The following XPR1 variants were observed in gnomAD, a reference collection of about 807,000 sequenced individuals.
XPR1 encodes xenotropic and polytropic retrovirus receptor 1, also known as solute carrier family 53 member 1.
In XPR1, 28 loss-of-function variants were observed where a neutral mutation model predicts 87.5. That is an observed-to-expected ratio of 0.32 (90% CI 0.24 to 0.44). The LOEUF (loss-of-function observed/expected upper bound fraction) is 0.44, where lower values mean the gene tolerates loss of function less well. Ranked by LOEUF, XPR1 falls within the 20% of genes least tolerant of loss-of-function variation. XPR1 has a pLI of 1.00. For missense variants in XPR1, 559 were observed against 862.3 expected, an observed-to-expected ratio of 0.65 and a Z score of 4.41; for synonymous variants, 300 against 306.1, an observed-to-expected ratio of 0.98 and a Z score of 0.21.
At chr1:180,789,237 C>G (rs1487729533) in intron 3 of XPR1, among the ~76,000 whole-genome samples, 1 of 152,178 alleles carries the variant, frequency 6.6e-6, no homozygotes, top group African/African-American at 2.4e-5. Flanking sequence ...CTCTTGGTTG[C>G]TCACTGTGAA....
At position 180,881,632 on chromosome 1, in the gene XPR1, C is replaced by G. The variant is rs72707425; in HGVS notation, c.2030+1335C>G. On this transcript the variant is annotated intron_variant, in intron 14 of 14. Coordinates refer to ENST00000367590, the MANE Select transcript of XPR1 (RefSeq NM_004736.4). Reference sequence around the variant, plus strand: ...TGTATGGGGCAGTGAAAATTCAGATCAGGATGCTTACTGTTGGACCAGAAG... The same window carrying G: ...TGTATGGGGCAGTGAAAATTCAGATGAGGATGCTTACTGTTGGACCAGAAG... Among the ~76,000 whole-genome samples the G allele has an allele frequency of 8.7e-3, 1,323 of 152,260 alleles. 6 individuals carry two copies. The highest frequency in any genetic ancestry group is 0.017 in the Middle Eastern group (5 of 294).
intron 7 of XPR1, among the ~76,000 whole-genome samples, chr1:180,811,878 G>A (rs1341171679): frequency 6.6e-6 from 1 of 152,046 alleles, no homozygotes; most frequent in Admixed American, 6.6e-5. Flanking sequence ...AGACCCTCTC[G>A]CATCCTTTTC....
intron 1 of XPR1, among the ~76,000 whole-genome samples, chr1:180,634,365 T>G (rs1654694794): frequency 6.6e-6 from 1 of 152,232 alleles, no homozygotes; most frequent in Middle Eastern, 3.4e-3. Flanking sequence ...AGGCGCACTT[T>G]TCTTTGTAAG....
chr1:180,702,223 C>G (rs1263509411), intron 2 of XPR1, among the ~76,000 whole-genome samples: 1 of 101,372 alleles, frequency 9.9e-6, no homozygotes, highest in Non-Finnish European at 1.9e-5. Context: ...GCAGGTTGTT[C>G]AGTTTCCATG....
At chr1:180,656,493 T>TTTATATATAATATAC (rs1655504622) in intron 1 of XPR1, among the ~76,000 whole-genome samples, 1 of 10,482 alleles carries the variant, frequency 9.5e-5, no homozygotes, top group South Asian at 3.0e-3. Context: ...ATAATATTTA[T>TTTATATATAATATAC]ATATTATATA....
At chr1:180,681,540 G>A (rs2101943422) in intron 1 of XPR1, among the ~76,000 whole-genome samples, 1 of 152,294 alleles carries the variant, frequency 6.6e-6, no homozygotes, top group East Asian at 1.9e-4. Context: ...CAGCTACTTG[G>A]GAGGCTGAGG....
intron 7 of XPR1, among the ~76,000 whole-genome samples, chr1:180,818,578 G>A (rs1336990946): frequency 6.6e-6 from 1 of 152,118 alleles, no homozygotes; most frequent in African/African-American, 2.4e-5. Flanking sequence ...CAAAATAAAT[G>A]CTTAATGATT....
intron 1 of XPR1, among the ~76,000 whole-genome samples, chr1:180,649,114 T>C (rs1655211119): frequency 6.6e-6 from 1 of 152,062 alleles, no homozygotes; most frequent in Admixed American, 6.6e-5. Context: ...AATAGCCATT[T>C]AGTATTTTGA....
chr1:180,695,249 T>TC (rs1657122874), intron 2 of XPR1, among the ~76,000 whole-genome samples: 1 of 152,230 alleles, frequency 6.6e-6, no homozygotes, highest in Admixed American at 6.5e-5. Context: ...GATTGCTTTT[T>TC]CATTATTGAG....
chr1:180,850,027 CA>C (rs1016324770), intron 11 of XPR1, among the ~76,000 whole-genome samples: 4 of 152,082 alleles, frequency 2.6e-5, no homozygotes, highest in African/African-American at 7.2e-5. Flanking sequence ...AATTATATCT[CA>C]AAGTGGATTG....
intron 6 of XPR1, 87 bp from the exon 7 acceptor site, chr1:180,811,320 G>T: frequency 9.5e-7 from 1 of 1,056,296 alleles, no homozygotes; most frequent in South Asian, 1.5e-5. Flanking sequence ...GTAGAACTTT[G>T]AGACTCATTC....
intron 2 of XPR1, among the ~76,000 whole-genome samples, chr1:180,708,931 G>T: frequency 8.3e-6 from 1 of 120,908 alleles, no homozygotes; most frequent in Non-Finnish European, 1.8e-5. Flanking sequence ...GGCGGGGGCG[G>T]GGACAAGTCT....
chr1:180,854,164 C>G (rs1651962535), intron 11 of XPR1, among the ~76,000 whole-genome samples: 1 of 152,206 alleles, frequency 6.6e-6, no homozygotes, highest in Non-Finnish European at 1.5e-5. Flanking sequence ...TCACATTCAA[C>G]TTATTAACAA....
Position 180,722,418 on chromosome 1 carries a change from A to C in XPR1, c.121+40007A>C, listed in dbSNP as rs148762531. Among the ~76,000 whole-genome samples the C allele has an allele frequency of 1.3e-3, 197 of 152,304 alleles. 1 individual carries two copies. The highest frequency in any genetic ancestry group is 2.4e-3 in the Admixed American group (36 of 15,306). On this transcript the variant is annotated intron_variant, in intron 2 of 14. Coordinates refer to ENST00000367590, the MANE Select transcript of XPR1 (RefSeq NM_004736.4). ...CCTTAAAATGTTACTTTAAATTAAC[A>C]TACACACTCAGTTATATGTTTTGAT... is the stretch of plus-strand genomic sequence containing the variant.
intron 1 of XPR1, among the ~76,000 whole-genome samples, chr1:180,648,326 T>C (rs1263887609): frequency 1.3e-5 from 2 of 152,234 alleles, no homozygotes; most frequent in Non-Finnish European, 2.9e-5. Flanking sequence ...AGTGCCTGTT[T>C]AGCTGCGCTA....
At chr1:180,706,630 G>A (rs1375250658) in intron 2 of XPR1, among the ~76,000 whole-genome samples, 6 of 148,176 alleles carry the variant, frequency 4.0e-5, no homozygotes, top group East Asian at 2.0e-4. Flanking sequence ...TTTTTTCCCC[G>A]AGGCAGAGTC....
In XPR1 at chr1:180,701,810, A is replaced by T. The variant is rs190314633; in HGVS notation, c.121+19399A>T. ...AGGAATGGTACTAGTTCCTCCTCGTATTTGATTCTTCTCTCTTTTTTTCTT... is the reference window on the plus strand; with the variant it reads ...AGGAATGGTACTAGTTCCTCCTCGTTTTTGATTCTTCTCTCTTTTTTTCTT... On this transcript the variant is annotated intron_variant, in intron 2 of 14. Coordinates refer to ENST00000367590, the MANE Select transcript of XPR1 (RefSeq NM_004736.4). 1.3e-3 allele frequency among the ~76,000 whole-genome samples: 185 copies of T among 141,610 alleles called. 24 individuals are homozygous for T. Among genetic ancestry groups the T allele is most frequent in the Non-Finnish European group, 2.1e-3 (141 of 66,302 alleles). The allele number at this position is 141,610 out of a possible 152,430, so 92.9% of individuals were successfully genotyped here. A position where few individuals can be genotyped will look rare whatever the true frequency, so the allele number is the denominator to read the frequency against.
chr1:180,847,726 T>C (rs1651732587), intron 11 of XPR1, among the ~76,000 whole-genome samples: 1 of 152,128 alleles, frequency 6.6e-6, no homozygotes, highest in Non-Finnish European at 1.5e-5. Context: ...TATGAGTAAA[T>C]GTCTAGATAA....
At chr1:180,651,075 G>GAAT (rs1038320312) in intron 1 of XPR1, among the ~76,000 whole-genome samples, 8 of 151,678 alleles carry the variant, frequency 5.3e-5, no homozygotes, top group African/African-American at 1.9e-4. Flanking sequence ...CTTGGAAACT[G>GAAT]AATGATAGTA....
Sources: gnomAD v4.1 joint callset for allele counts (sites outside exome capture counted in the v4.1 genomes callset) on GRCh38, gnomAD v4.1.1 for gene constraint, MANE v1.5 for transcripts, NCBI Gene and HGNC (gene_info 2026-07-23, HGNC 2026-07-21) for gene names.